SLC9B2: variants seen among roughly 807,000 people sequenced by gnomAD.
The protein encoded by SLC9B2 is sodium/hydrogen exchanger 9B2.
In SLC9B2, 39 loss-of-function variants were observed where a neutral mutation model predicts 52.2. That is an observed-to-expected ratio of 0.75 (90% CI 0.58 to 0.98). The LOEUF (loss-of-function observed/expected upper bound fraction) is 0.98, where lower values mean the gene tolerates loss of function less well. SLC9B2 is among the 50% of genes least tolerant of loss of function. The pLI, the probability that SLC9B2 is intolerant of heterozygous loss-of-function variation, is 0.00. For missense variants in SLC9B2, 626 were observed against 637.5 expected (o/e 0.98, Z 0.19); for synonymous variants, 214 against 227.0 (o/e 0.94, Z 0.51).
chr4:103,037,188 C>T lies in SLC9B2; in HGVS notation c.1147-5380G>A, dbSNP rs1198715779. Reference sequence around the variant, plus strand: ...GGATAGGCTCGGGCTTATTATCTTACTTGTTTTTATTAACCTTTCTGAAAT... The same window carrying T: ...GGATAGGCTCGGGCTTATTATCTTATTTGTTTTTATTAACCTTTCTGAAAT... On this transcript the variant is annotated intron_variant, in intron 9 of 11. Transcript: ENST00000394785. Among the ~76,000 whole-genome samples, 5 of 152,278 alleles carry T rather than the reference C, an allele frequency of 3.3e-5. No individual in the cohort carries two copies. In the East Asian group the frequency reaches 9.6e-4, roughly 29 times the overall value.
At chr4:103,037,678 C>T (rs1265111202) in intron 9 of SLC9B2, among the ~76,000 whole-genome samples, 1 of 152,164 alleles carries the variant, frequency 6.6e-6, no homozygotes, top group Non-Finnish European at 1.5e-5. Context: ...CTGCAAGGCA[C>T]TTGCCTCTCA....
intron 9 of SLC9B2, among the ~76,000 whole-genome samples, chr4:103,038,833 A>T (rs1033092632): frequency 1.7e-4 from 26 of 152,338 alleles, no homozygotes; most frequent in African/African-American, 5.5e-4. Context: ...AACAGACAAA[A>T]AAAGAGAAGC....
At chr4:103,064,454 T>C (rs950451534) in intron 3 of SLC9B2, among the ~76,000 whole-genome samples, 14 of 152,090 alleles carry the variant, frequency 9.2e-5, no homozygotes, top group African/African-American at 2.4e-4. Flanking sequence ...GTTGTTCATA[T>C]GGAAATAGTA....
chr4:103,043,495 T>G, intron 8 of SLC9B2, 50 bp from the exon 9 acceptor site: 1 of 1,515,684 alleles, frequency 6.6e-7, no homozygotes, highest in South Asian at 1.3e-5. Flanking sequence ...TCCCTGATTT[T>G]TAATGATTGA....
At chr4:103,063,577 T>C (rs1745852221) in intron 3 of SLC9B2, among the ~76,000 whole-genome samples, 1 of 152,018 alleles carries the variant, frequency 6.6e-6, no homozygotes, top group Non-Finnish European at 1.5e-5. Context: ...TAGTAAGACA[T>C]AAAATTATGA....
At chr4:103,044,727 A>G (rs531647208) in intron 8 of SLC9B2, among the ~76,000 whole-genome samples, 163 bp downstream of exon 8, 1 of 152,322 alleles carries the variant, frequency 6.6e-6, no homozygotes, top group Non-Finnish European at 1.5e-5. Flanking sequence ...AATCTTCTAT[A>G]TTGAGCCCAC....
Position 103,043,282 on chromosome 4 carries a change from A to T in SLC9B2, c.1146+14T>A, listed in dbSNP as rs1177552160. Reference sequence around the variant, plus strand: ...AAAAGAGTCATGAGCAGAAAAACTTAAAATGAAATTCACCTTTTCGCTGGT... The same window carrying T: ...AAAAGAGTCATGAGCAGAAAAACTTTAAATGAAATTCACCTTTTCGCTGGT... On this transcript the variant is annotated intron_variant, in intron 9 of 11. Coordinates refer to ENST00000394785, the MANE Select transcript of SLC9B2 (RefSeq NM_178833.7). 6.3e-7 allele frequency: 1 copy of T among 1,591,876 alleles called. No individual in the cohort carries two copies. The highest frequency in any genetic ancestry group is 8.5e-7 in the Non-Finnish European group (1 of 1,172,904).
At chr4:103,047,965 G>C (rs1386664150) in intron 6 of SLC9B2, among the ~76,000 whole-genome samples, 2 of 152,042 alleles carry the variant, frequency 1.3e-5, no homozygotes, top group African/African-American at 4.8e-5. Context: ...GCCTAATGAG[G>C]GTAGGCCCCA....
chr4:103,065,362 G>A (rs1257553989), intron 3 of SLC9B2: 2 of 135,596 alleles, frequency 1.5e-5, no homozygotes, highest in African/African-American at 5.0e-5. Flanking sequence ...TACTAACAGT[G>A]AATGTATTGT....
rs1744195561 is a variant in SLC9B2 at position 103,046,967 on chromosome 4, C to T, written c.889+84G>A. On this transcript the variant is annotated intron_variant, in intron 7 of 11. Transcript: ENST00000394785. ...TTTTTAATTTGCCTTAATCAATTATCAAGCAAATATGTCATGCTTATAACA... is the reference window on the plus strand; with the variant it reads ...TTTTTAATTTGCCTTAATCAATTATTAAGCAAATATGTCATGCTTATAACA... 8 of 1,466,712 alleles carry T rather than the reference C, an allele frequency of 5.5e-6. No homozygotes were observed. In the South Asian group the frequency reaches 1.0e-4, roughly 19 times the overall value. 90.9% of individuals were successfully genotyped at this position (1,466,712 alleles called of 1,614,324 possible). A position where few individuals can be genotyped will look rare whatever the true frequency, so the allele number is the denominator to read the frequency against.
At chr4:103,028,659 C>G in intron 11 of SLC9B2, 88 bp downstream of exon 11, 3 of 1,424,654 alleles carry the variant, frequency 2.1e-6, no homozygotes, top group Non-Finnish European at 2.8e-6. Flanking sequence ...TTTATTTTCA[C>G]TAAATTTAAA....
chr4:103,031,843 T>C (rs202110664), intron 9 of SLC9B2, 35 bp from the exon 10 acceptor site: 54 of 1,576,464 alleles, frequency 3.4e-5, no homozygotes, highest in African/African-American at 2.0e-4. Flanking sequence ...AGATTTTTAT[T>C]ATGTGAAGTT....
intron 11 of SLC9B2, 99 bp downstream of exon 11, chr4:103,028,648 A>G (rs1333330359): frequency 1.4e-6 from 2 of 1,382,172 alleles, no homozygotes; most frequent in Non-Finnish European, 2.0e-6. Context: ...CACTTCAATT[A>G]TTTATTTTCA....
chr4:103,050,601 A>G (rs1284360689), intron 4 of SLC9B2, among the ~76,000 whole-genome samples: 1 of 152,250 alleles, frequency 6.6e-6, no homozygotes, highest in Non-Finnish European at 1.5e-5. Context: ...TATTCCCAAA[A>G]TAACTGAACT....
chr4:103,060,399 A>G (rs1050748292), intron 3 of SLC9B2, among the ~76,000 whole-genome samples: 1 of 151,774 alleles, frequency 6.6e-6, no homozygotes, highest in Non-Finnish European at 1.5e-5. Context: ...AAATCTATTC[A>G]TTTTTAAAAG....
chr4:103,031,872 AT>A, intron 9 of SLC9B2, 64 bp from the exon 10 acceptor site: 1 of 1,489,986 alleles, frequency 6.7e-7, no homozygotes, highest in Non-Finnish European at 9.2e-7. Flanking sequence ...AAAGAATTTT[AT>A]TAATTTGAGG....
chr4:103,050,060 C>T (rs1744530226), intron 5 of SLC9B2, among the ~76,000 whole-genome samples, 180 bp downstream of exon 5: 1 of 151,458 alleles, frequency 6.6e-6, no homozygotes, highest in Admixed American at 6.6e-5. Context: ...TGAGTTATTG[C>T]AAACCACAAC....
chr4:103,045,380 G>A (rs900742914), intron 7 of SLC9B2, among the ~76,000 whole-genome samples: 1 of 152,120 alleles, frequency 6.6e-6, no homozygotes, highest in Admixed American at 6.5e-5. Flanking sequence ...AGCTAGGATC[G>A]CTTTCTACCA....
At chr4:103,055,426 A>G (rs2110632945) in intron 4 of SLC9B2, among the ~76,000 whole-genome samples, 1 of 152,350 alleles carries the variant, frequency 6.6e-6, no homozygotes, top group Non-Finnish European at 1.5e-5. Context: ...CAATAATACA[A>G]TTAATAACTT....
Sources: gnomAD v4.1 joint callset for allele counts (sites outside exome capture counted in the v4.1 genomes callset) on GRCh38, gnomAD v4.1.1 for gene constraint, MANE v1.5 for transcripts, NCBI Gene and HGNC (gene_info 2026-07-23, HGNC 2026-07-21) for gene names.